CDH4: variants seen among roughly 807,000 people sequenced by gnomAD.
CDH4 encodes cadherin-4.
CDH4 carries 33 observed loss-of-function variants against 86.0 expected under a neutral mutation model. The observed-to-expected ratio is 0.38, with a 90% CI of 0.29 to 0.51. CDH4 has a LOEUF of 0.51. Ranked by LOEUF, CDH4 falls within the 20% of genes least tolerant of loss-of-function variation. The pLI is 0.86. For synonymous variants in CDH4, 555 were observed against 549.4 expected, an observed-to-expected ratio of 1.01 and a Z score of -0.14; for missense variants, 1,114 against 1,307.4, an observed-to-expected ratio of 0.85 and a Z score of 2.28.
chr20:61,753,218 G>A (rs2088520707), intron 3 of CDH4, among the ~76,000 whole-genome samples: 1 of 152,064 alleles, frequency 6.6e-6, no homozygotes, highest in Admixed American at 6.6e-5. Context: ...ATTCTGCCAG[G>A]GCAGGTGCAT....
chr20:61,605,257 C>T (rs919353144), intron 2 of CDH4, among the ~76,000 whole-genome samples: 2 of 152,098 alleles, frequency 1.3e-5, no homozygotes, highest in Admixed American at 1.3e-4. Context: ...GTGACGAAGG[C>T]CCCTCTGTGA....
intron 3 of CDH4, among the ~76,000 whole-genome samples, chr20:61,766,910 T>G (rs1440649000): frequency 6.6e-6 from 1 of 152,238 alleles, no homozygotes; most frequent in Non-Finnish European, 1.5e-5. Flanking sequence ...TGGTGCCAGT[T>G]TGAACCTCCT....
At position 61,618,827 on chromosome 20, in the gene CDH4, G is replaced by A. The variant is rs77513502; in HGVS notation, c.170-124736G>A. On this transcript the variant is annotated intron_variant, in intron 2 of 15. Coordinates refer to ENST00000614565, the MANE Select transcript of CDH4 (RefSeq NM_001794.5). ...TATGGCAAGTGGTGAATTCAGAGAG[G>A]GGTAGAGACCAGGGGCCAACGGGGT... Among the ~76,000 whole-genome samples, 6 of 152,350 alleles carry A rather than the reference G, an allele frequency of 3.9e-5. No individual in the cohort carries two copies. The East Asian group carries it at 1.2e-3, about 29-fold the overall frequency.
chr20:61,887,394 A>C (rs1306912344), intron 7 of CDH4, among the ~76,000 whole-genome samples: 1 of 152,104 alleles, frequency 6.6e-6, no homozygotes, highest in African/African-American at 2.4e-5. Flanking sequence ...AGCTGCACAC[A>C]CACACACACA....
rs2085871218 is a variant in CDH4, at chr20:61,521,796, C to A, written c.170-221767C>A. On this transcript the variant is annotated intron_variant, in intron 2 of 15. Coordinates refer to ENST00000614565, the MANE Select transcript of CDH4 (RefSeq NM_001794.5). ...CGTGAGCCCGGCCGTCTGTATCTCT[C>A]TGACCCAGGTTTGGTGATCGGCCCC... Among the ~76,000 whole-genome samples the A allele has an allele frequency of 2.0e-5, 3 of 152,228 alleles. No homozygotes were observed. In the South Asian group the frequency reaches 6.2e-4, roughly 32 times the overall value.
In CDH4 at chr20:61,693,979, A is replaced by T. The variant is rs140384348; in HGVS notation, c.170-49584A>T. Among the ~76,000 whole-genome samples, 176 of 127,478 alleles carry T rather than the reference A, an allele frequency of 1.4e-3. 1 individual carries two copies. Among genetic ancestry groups the T allele is most frequent in the African/African-American group, 5.1e-3 (168 of 32,676 alleles). 83.6% of individuals were successfully genotyped at this position (127,478 alleles called of 152,430 possible). A position where few individuals can be genotyped will look rare whatever the true frequency, so the allele number is the denominator to read the frequency against. On this transcript the variant is annotated intron_variant, in intron 2 of 15. Transcript: ENST00000614565. ...GCAAACTTGGCTCAGTGCAACCTCCACCTCCCAGGTTCAAGCGAGTCTCCT... is the reference window on the plus strand; with the variant it reads ...GCAAACTTGGCTCAGTGCAACCTCCTCCTCCCAGGTTCAAGCGAGTCTCCT...
intron 2 of CDH4, among the ~76,000 whole-genome samples, chr20:61,351,070 G>A (rs376052870): frequency 2.0e-4 from 30 of 152,156 alleles, no homozygotes; most frequent in African/African-American, 7.2e-4. Flanking sequence ...TGTCACAGCC[G>A]CCCTCCCTCC....
chr20:61,530,014 T>G (rs1465042549), intron 2 of CDH4, among the ~76,000 whole-genome samples: 1 of 151,874 alleles, frequency 6.6e-6, no homozygotes. Flanking sequence ...ATTTATTTGT[T>G]TTTGTTTGTT....
At chr20:61,277,403 C>T (rs914105381) in intron 2 of CDH4, among the ~76,000 whole-genome samples, 4 of 152,038 alleles carry the variant, frequency 2.6e-5, no homozygotes, top group African/African-American at 9.7e-5. Context: ...TAGATAGCAG[C>T]GAGAGAAGTG....
intron 4 of CDH4, among the ~76,000 whole-genome samples, chr20:61,793,085 C>T (rs537471144): frequency 6.6e-6 from 1 of 152,318 alleles, no homozygotes; most frequent in South Asian, 2.1e-4. Context: ...GCCTCAGCCT[C>T]CAGAGTAACT....
chr20:61,574,599 T>A (rs1356435055), intron 2 of CDH4, among the ~76,000 whole-genome samples: 1 of 152,032 alleles, frequency 6.6e-6, no homozygotes, highest in African/African-American at 2.4e-5. Context: ...AGTATAAAAA[T>A]ATTGCAGAGG....
At chr20:61,917,980 G>A (rs2054923855) in intron 9 of CDH4, among the ~76,000 whole-genome samples, 1 of 152,238 alleles carries the variant, frequency 6.6e-6, no homozygotes, top group South Asian at 2.1e-4. Context: ...ATGGGAGAAA[G>A]ACCACTTCCC....
intron 2 of CDH4, among the ~76,000 whole-genome samples, chr20:61,302,486 TG>T (rs140938021): frequency 5.5e-5 from 8 of 144,888 alleles, no homozygotes; most frequent in East Asian, 2.1e-4. Context: ...TGGCCTGGGT[TG>T]GGGGGGGTCT....
intron 2 of CDH4, among the ~76,000 whole-genome samples, chr20:61,519,359 G>C (rs902453731): frequency 3.3e-5 from 5 of 152,322 alleles, no homozygotes; most frequent in Middle Eastern, 3.4e-3. Context: ...TCTGGGCTTT[G>C]GTTTTATACC....
chr20:61,825,525 TCTC>T (rs1251064729), intron 4 of CDH4, among the ~76,000 whole-genome samples: 2 of 152,196 alleles, frequency 1.3e-5, no homozygotes. Context: ...AAGGCACTGT[TCTC>T]AGTGCCTCGT....
intron 4 of CDH4, among the ~76,000 whole-genome samples, chr20:61,832,243 TGGATCC>T (rs1981658576): frequency 6.6e-6 from 1 of 152,216 alleles, no homozygotes; most frequent in Non-Finnish European, 1.5e-5. Flanking sequence ...ACCTGGGTTC[TGGATCC>T]CAGCTCAAGG....
intron 4 of CDH4, among the ~76,000 whole-genome samples, chr20:61,776,205 G>A (rs748091528): frequency 2.0e-5 from 3 of 152,198 alleles, no homozygotes; most frequent in African/African-American, 4.8e-5. Flanking sequence ...TGGGGAACAT[G>A]GCTTTCCAAT....
intron 4 of CDH4, among the ~76,000 whole-genome samples, chr20:61,815,426 C>T (rs941016620): frequency 1.3e-5 from 2 of 152,242 alleles, no homozygotes; most frequent in African/African-American, 2.4e-5. Context: ...AGCCGCCCGT[C>T]GCTGTTTTCT....
chr20:61,748,075 C>T (rs544952264), intron 3 of CDH4, among the ~76,000 whole-genome samples: 9 of 152,318 alleles, frequency 5.9e-5, no homozygotes, highest in Admixed American at 5.9e-4. Context: ...GACTTCTCCG[C>T]AGGAGCTGGG....
Sources: gnomAD v4.1 joint callset for allele counts (sites outside exome capture counted in the v4.1 genomes callset) on GRCh38, gnomAD v4.1.1 for gene constraint, MANE v1.5 for transcripts, NCBI Gene and HGNC (gene_info 2026-07-23, HGNC 2026-07-21) for gene names.